The following NFILZ variants were observed in gnomAD, a reference collection of about 807,000 sequenced individuals.
NFILZ encodes NFIL3 like protein.
At chr19:8,675,570 C>T (rs1555750634) in intron 4 of NFILZ, among the ~76,000 whole-genome samples, 2 of 152,156 alleles carry the variant, frequency 1.3e-5, no homozygotes, top group African/African-American at 2.4e-5. Context: ...GTTTTGTTTT[C>T]AAACCTGGGC....
At chr19:8,671,103 C>T (rs2043084717) in intron 3 of NFILZ, among the ~76,000 whole-genome samples, 1 of 152,098 alleles carries the variant, frequency 6.6e-6, no homozygotes, top group African/African-American at 2.4e-5. Context: ...GGATGAGCTC[C>T]CTGTTACAGA....
intron 3 of NFILZ, among the ~76,000 whole-genome samples, chr19:8,645,353 G>A (rs1268344554): frequency 6.7e-6 from 1 of 149,964 alleles, no homozygotes; most frequent in Non-Finnish European, 1.5e-5. Flanking sequence ...TGCCCAGGCT[G>A]GTCTTCAACT....
intron 3 of NFILZ, among the ~76,000 whole-genome samples, chr19:8,656,335 T>TCCCCACAGCCCACC (rs1207641470): frequency 1.0e-3 from 25 of 24,994 alleles, no homozygotes; most frequent in African/African-American, 2.3e-3. Flanking sequence ...AGCCCCCTTC[T>TCCCCACAGCCCACC]TCCTGAAGCC....
chr19:8,646,682 C>T (rs934100348), intron 3 of NFILZ, among the ~76,000 whole-genome samples: 12 of 152,326 alleles, frequency 7.9e-5, no homozygotes, highest in Non-Finnish European at 1.5e-4. Flanking sequence ...CACTTCCCGT[C>T]CTGTCTCCCA....
chr19:8,631,094 T>C (rs2042867631), intron 1 of NFILZ, among the ~76,000 whole-genome samples: 2 of 152,174 alleles, frequency 1.3e-5, no homozygotes, highest in South Asian at 4.1e-4. Context: ...TCCTTTGATA[T>C]TTTTTCCTCT....
Position 8,649,139 on chromosome 19 carries a change from T to A in NFILZ, c.-164+13393T>A, listed in dbSNP as rs1343248820. On this transcript the variant is annotated intron_variant, in intron 3 of 5. Coordinates refer to ENST00000691075, the MANE Select transcript of NFILZ (RefSeq NM_001378600.1). ...CACCACACCTGGCTGACTTTCGTAT[T>A]TTTTTTTGGAGAGATGGGGTCTTGC... Among the ~76,000 whole-genome samples the A allele has an allele frequency of 6.0e-5, 9 of 151,248 alleles. No individual in the cohort carries two copies. The East Asian group carries it at 1.4e-3, about 23-fold the overall frequency.
chr19:8,671,479 C>G (rs1250311345), intron 3 of NFILZ, among the ~76,000 whole-genome samples: 1 of 152,094 alleles, frequency 6.6e-6, no homozygotes, highest in Admixed American at 6.6e-5. Context: ...AAATTTTCCT[C>G]TATCTCAGTG....
intron 3 of NFILZ, among the ~76,000 whole-genome samples, chr19:8,664,404 C>T (rs182165104): frequency 2.2e-3 from 335 of 152,258 alleles, no homozygotes; most frequent in African/African-American, 7.8e-3. Context: ...CACTCGGGAC[C>T]CCAGATGGGC....
intron 3 of NFILZ, among the ~76,000 whole-genome samples, chr19:8,652,974 T>G: frequency 1.6e-5 from 1 of 63,272 alleles, no homozygotes; most frequent in African/African-American, 6.1e-5. Context: ...CTTCCCTCCT[T>G]CCTTCCTTCC....
At chr19:8,671,386 G>A (rs1555750270) in intron 3 of NFILZ, among the ~76,000 whole-genome samples, 1 of 151,974 alleles carries the variant, frequency 6.6e-6, no homozygotes, top group Admixed American at 6.6e-5. Flanking sequence ...CTCCCTCTGG[G>A]TTCCTGTGGA....
intron 3 of NFILZ, among the ~76,000 whole-genome samples, chr19:8,639,479 C>T (rs1232951965): frequency 6.6e-6 from 1 of 152,042 alleles, no homozygotes; most frequent in Non-Finnish European, 1.5e-5. Context: ...TGCCTGTAGT[C>T]CCAGCTACTC....
At chr19:8,660,570 CCCCTCCCTCCCTCCTTCCTTCCTTCCTT>C (rs2043025157) in intron 3 of NFILZ, among the ~76,000 whole-genome samples, 1 of 119,798 alleles carries the variant, frequency 8.3e-6, no homozygotes, top group African/African-American at 3.6e-5. Flanking sequence ...CTTCCTTCCT[CCCCTCCCTCCCTCCTTCCTTCCTTCCTT>C]CCCTCCTTCC....
chr19:8,665,771 G>A (rs540428473), intron 3 of NFILZ, among the ~76,000 whole-genome samples: 45 of 152,324 alleles, frequency 3.0e-4, no homozygotes, highest in Middle Eastern at 3.4e-3. Flanking sequence ...ATTTCGGCAG[G>A]AAAAATTGGT....
intron 3 of NFILZ, among the ~76,000 whole-genome samples, chr19:8,651,898 C>T (rs1163127709): frequency 7.9e-5 from 12 of 152,092 alleles, no homozygotes; most frequent in Non-Finnish European, 1.0e-4. Flanking sequence ...CCTTCCTGGC[C>T]TCTGGTAGCC....
chr19:8,641,828 GC>G (rs1484650839), intron 3 of NFILZ, among the ~76,000 whole-genome samples: 1 of 130,336 alleles, frequency 7.7e-6, no homozygotes. Flanking sequence ...ATAAATGATA[GC>G]TTTTTTTTTT....
intron 3 of NFILZ, among the ~76,000 whole-genome samples, chr19:8,643,126 T>G (rs781871265): frequency 2.8e-4 from 42 of 151,966 alleles, no homozygotes; most frequent in Non-Finnish European, 4.6e-4. Context: ...ATTTGAAAAT[T>G]TTTTGAAGAA....
chr19:8,672,362 TA>T (rs552466620), intron 3 of NFILZ, among the ~76,000 whole-genome samples: 1 of 151,908 alleles, frequency 6.6e-6, no homozygotes, highest in African/African-American at 2.4e-5. Flanking sequence ...ATTAGTTCAT[TA>T]AAAAAATTCA....
At chr19:8,657,253 C>G (rs1251862593) in intron 3 of NFILZ, among the ~76,000 whole-genome samples, 2 of 151,382 alleles carry the variant, frequency 1.3e-5, no homozygotes, top group African/African-American at 4.9e-5. Flanking sequence ...GTTACAGGCA[C>G]GCGCCACCAC....
chr19:8,631,708 C>T (rs1456929929), intron 1 of NFILZ, among the ~76,000 whole-genome samples: 5 of 152,122 alleles, frequency 3.3e-5, no homozygotes, highest in South Asian at 2.1e-4. Context: ...CTTTGTGCGG[C>T]GGCTCCAGCC....
Sources: gnomAD v4.1 joint callset for allele counts (sites outside exome capture counted in the v4.1 genomes callset) on GRCh38, gnomAD v4.1.1 for gene constraint, MANE v1.5 for transcripts, NCBI Gene and HGNC (gene_info 2026-07-23, HGNC 2026-07-21) for gene names.